SEMA6D: variants seen among roughly 807,000 people sequenced by gnomAD.
SEMA6D encodes semaphorin 6D, also known as semaphorin-6D.
Under a neutral mutation model 106.6 loss-of-function variants are expected in SEMA6D, and 35 were observed. That is an observed-to-expected ratio of 0.33 (90% CI 0.25 to 0.44). The LOEUF is 0.44. Ranked by LOEUF, SEMA6D falls within the 20% of genes least tolerant of loss-of-function variation. The pLI is 1.00. For synonymous variants in SEMA6D, 499 were observed against 487.7 expected (o/e 1.02, Z -0.31); for missense variants, 1,185 against 1,345.9 (o/e 0.88, Z 1.87).
chr15:47,533,548 G>A (rs536868590), intron 3 of SEMA6D, among the ~76,000 whole-genome samples: 2 of 152,298 alleles, frequency 1.3e-5, no homozygotes, highest in South Asian at 4.1e-4. Flanking sequence ...TCTCTAGGGT[G>A]TGTGGGAAGC....
intron 4 of SEMA6D, among the ~76,000 whole-genome samples, chr15:47,610,831 G>A (rs2076884270): frequency 3.3e-5 from 5 of 152,158 alleles, no homozygotes; most frequent in Admixed American, 2.6e-4. Flanking sequence ...CCAAAGTAGA[G>A]AGCAGAATGA....
intron 7 of SEMA6D, among the ~76,000 whole-genome samples, chr15:47,761,954 C>T (rs1021000914): frequency 1.3e-5 from 2 of 152,056 alleles, no homozygotes; most frequent in Non-Finnish European, 2.9e-5. Flanking sequence ...ATTATGACAC[C>T]GTGTTGTTAA....
chr15:47,729,953 C>T (rs1320410526), intron 1 of SEMA6D, among the ~76,000 whole-genome samples: 1 of 152,184 alleles, frequency 6.6e-6, no homozygotes, highest in African/African-American at 2.4e-5. Flanking sequence ...TAGTTTTCTC[C>T]TTAGGACAAA....
At chr15:47,481,504 G>A (rs747141146) in intron 3 of SEMA6D, among the ~76,000 whole-genome samples, 5 of 152,108 alleles carry the variant, frequency 3.3e-5, no homozygotes, top group Admixed American at 6.6e-5. Flanking sequence ...TCCTCAAACC[G>A]ACCTTGACTG....
chr15:47,535,775 G>A (rs2045143204), intron 3 of SEMA6D, among the ~76,000 whole-genome samples: 1 of 152,096 alleles, frequency 6.6e-6, no homozygotes, highest in African/African-American at 2.4e-5. Context: ...TGCGGGCAGG[G>A]AAAGAGAGAG....
intron 1 of SEMA6D, among the ~76,000 whole-genome samples, chr15:47,345,070 A>G (rs2037989560): frequency 1.3e-5 from 2 of 152,212 alleles, no homozygotes; most frequent in Admixed American, 1.3e-4. Context: ...AAAGGAAATT[A>G]AAGAAGACCT....
intron 1 of SEMA6D, among the ~76,000 whole-genome samples, chr15:47,191,300 GTATT>G (rs933702433): frequency 1.7e-4 from 26 of 152,062 alleles, no homozygotes; most frequent in African/African-American, 5.8e-4. Context: ...TACAAATACA[GTATT>G]TATTATAAGT....
At chr15:47,760,104 C>G in intron 2 of SEMA6D, 197 bp downstream of exon 2, 1 of 629,472 alleles carries the variant, frequency 1.6e-6, no homozygotes, top group Non-Finnish European at 2.8e-6. Context: ...TCTACAGCAA[C>G]CTGTATATAG....
At chr15:47,200,516 A>G (rs1390971242) in intron 1 of SEMA6D, among the ~76,000 whole-genome samples, 1 of 152,216 alleles carries the variant, frequency 6.6e-6, no homozygotes, top group Non-Finnish European at 1.5e-5. Flanking sequence ...ACTTTTAATT[A>G]TAATTCTTAG....
chr15:47,742,513 G>GA (rs1171975653), intron 1 of SEMA6D, among the ~76,000 whole-genome samples: 1 of 152,210 alleles, frequency 6.6e-6, no homozygotes, highest in Non-Finnish European at 1.5e-5. Flanking sequence ...ACCCACTTGA[G>GA]ATAGAGCCTA....
chr15:47,604,758 A>G (rs1046470970), intron 4 of SEMA6D, among the ~76,000 whole-genome samples: 1 of 152,096 alleles, frequency 6.6e-6, no homozygotes, highest in African/African-American at 2.4e-5. Context: ...GTGCAGTGGC[A>G]TGATCTTGGC....
At chr15:47,254,569 T>C (rs890957321) in intron 1 of SEMA6D, among the ~76,000 whole-genome samples, 15 of 152,048 alleles carry the variant, frequency 9.9e-5, no homozygotes, top group African/African-American at 3.6e-4. Context: ...ATGTGAACTT[T>C]ATTGTGTTGA....
rs561181329 is a variant in SEMA6D, at chr15:47,390,712, C to A, written c.-238-21681C>A. ...TAACTTAAATATCGATTCCTCAGGT[C>A]TTTTGTGAAGACATTAGTAGGTGAT... is the stretch of plus-strand genomic sequence containing the variant. On this transcript the variant is annotated intron_variant, in intron 1 of 19. Transcript: ENST00000558014. 7.9e-5 allele frequency among the ~76,000 whole-genome samples: 12 copies of A among 152,286 alleles called. No homozygotes were observed. The East Asian group carries it at 2.3e-3, about 29-fold the overall frequency.
At chr15:47,445,128 T>C (rs939863150) in intron 2 of SEMA6D, among the ~76,000 whole-genome samples, 3 of 152,096 alleles carry the variant, frequency 2.0e-5, no homozygotes, top group Admixed American at 2.0e-4. Context: ...TGCTATGCCA[T>C]TCTGCCATTC....
intron 4 of SEMA6D, among the ~76,000 whole-genome samples, chr15:47,664,988 G>A (rs1049981117): frequency 3.9e-5 from 6 of 152,134 alleles, no homozygotes; most frequent in African/African-American, 1.4e-4. Context: ...CTTTAATGGA[G>A]GTGGGGGGGC....
chr15:47,768,510 A>C, intron 17 of SEMA6D, 71 bp from the exon 18 acceptor site: 4 of 1,297,124 alleles, frequency 3.1e-6, no homozygotes, highest in Non-Finnish European at 4.1e-6. Context: ...ACTTTATTTA[A>C]AAATGCAACA....
intron 1 of SEMA6D, among the ~76,000 whole-genome samples, chr15:47,738,730 A>G (rs1171636207): frequency 6.6e-6 from 1 of 152,202 alleles, no homozygotes; most frequent in African/African-American, 2.4e-5. Flanking sequence ...CCACCATCCC[A>G]CAACTTAGTG....
chr15:47,490,939 A>G (rs2043454287), intron 3 of SEMA6D, among the ~76,000 whole-genome samples: 1 of 152,182 alleles, frequency 6.6e-6, no homozygotes, highest in Non-Finnish European at 1.5e-5. Flanking sequence ...AATGTGAGAA[A>G]CTCAACAGGG....
intron 1 of SEMA6D, among the ~76,000 whole-genome samples, 176 bp downstream of exon 1, chr15:47,717,868 G>A (rs996275881): frequency 7.9e-6 from 1 of 126,410 alleles, no homozygotes; most frequent in African/African-American, 2.7e-5. Flanking sequence ...GTGTGTGTGT[G>A]TGTGTGTGTG....
Sources: allele counts gnomAD v4.1 joint callset (sites outside exome capture counted in the v4.1 genomes callset), GRCh38; gene constraint gnomAD v4.1.1; transcripts MANE v1.5; gene names NCBI Gene and HGNC (gene_info 2026-07-23, HGNC 2026-07-21).